GRIK3: variants seen among roughly 807,000 people sequenced by gnomAD.
The protein encoded by GRIK3 is glutamate receptor ionotropic, kainate 3.
GRIK3 carries 29 observed loss-of-function variants against 102.5 expected under a neutral mutation model. The observed-to-expected ratio is 0.28, with a 90% CI of 0.21 to 0.39. The LOEUF is 0.39. Among genes scored for constraint, GRIK3 ranks in the 10% least tolerant of loss-of-function variants. The pLI is 1.00. For missense variants in GRIK3, 908 were observed against 1,252.4 expected (o/e 0.73, Z 4.15); for synonymous variants, 511 against 504.9 (o/e 1.01, Z -0.16).
At chr1:36,914,372 AACAAGGTTG>A (rs1641377261) in intron 1 of GRIK3, among the ~76,000 whole-genome samples, 1 of 152,210 alleles carries the variant, frequency 6.6e-6, no homozygotes, top group African/African-American at 2.4e-5. Context: ...CTAGAAGTTG[AACAAGGTTG>A]AGCAGGTTTC....
intron 1 of GRIK3, among the ~76,000 whole-genome samples, chr1:36,894,368 T>G (rs551950496): frequency 2.4e-4 from 37 of 152,258 alleles, no homozygotes; most frequent in African/African-American, 8.9e-4. Context: ...TTACTTTGTA[T>G]AGACGTACCA....
intron 1 of GRIK3, among the ~76,000 whole-genome samples, chr1:36,954,894 C>A (rs1641885352): frequency 1.3e-5 from 2 of 152,242 alleles, no homozygotes; most frequent in Admixed American, 6.5e-5. Flanking sequence ...GGGACACATG[C>A]CTGTGTGTAC....
At chr1:36,988,777 A>G (rs1381458050) in intron 1 of GRIK3, among the ~76,000 whole-genome samples, 1 of 152,220 alleles carries the variant, frequency 6.6e-6, no homozygotes, top group Admixed American at 6.5e-5. Flanking sequence ...TGCATTCACT[A>G]TGTCACAGAT....
chr1:36,835,298 G>T (rs777840633), intron 10 of GRIK3, among the ~76,000 whole-genome samples: 1 of 152,222 alleles, frequency 6.6e-6, no homozygotes, highest in African/African-American at 2.4e-5. Context: ...TCTCATAGAC[G>T]CTGCTGCAAG....
intron 1 of GRIK3, among the ~76,000 whole-genome samples, chr1:36,950,619 C>G (rs1641834213): frequency 6.6e-6 from 1 of 152,192 alleles, no homozygotes; most frequent in Admixed American, 6.5e-5. Flanking sequence ...TGGGGTGACA[C>G]AGCAGAGGCA....
intron 10 of GRIK3, among the ~76,000 whole-genome samples, chr1:36,827,872 T>C (rs1000867709): frequency 6.6e-6 from 1 of 152,018 alleles, no homozygotes; most frequent in African/African-American, 2.4e-5. Flanking sequence ...TCACTGACAC[T>C]TGGAGTCCAA....
intron 10 of GRIK3, among the ~76,000 whole-genome samples, chr1:36,837,635 C>T (rs971956840): frequency 2.0e-5 from 3 of 152,146 alleles, no homozygotes; most frequent in Non-Finnish European, 2.9e-5. Flanking sequence ...TTCAGATTCT[C>T]CATAGCCCTC....
chr1:36,950,832 C>T (rs2124334863), intron 1 of GRIK3, among the ~76,000 whole-genome samples: 1 of 152,316 alleles, frequency 6.6e-6, no homozygotes, highest in South Asian at 2.1e-4. Flanking sequence ...TGATCACATG[C>T]TGTCACCCTA....
chr1:36,882,304 G>A (rs538332235), intron 2 of GRIK3, among the ~76,000 whole-genome samples: 3 of 152,294 alleles, frequency 2.0e-5, no homozygotes, highest in Admixed American at 1.3e-4. Context: ...AAAAACTCAG[G>A]CAGGTGAGGC....
intron 10 of GRIK3, among the ~76,000 whole-genome samples, chr1:36,838,911 C>A (rs935518348): frequency 6.6e-6 from 1 of 152,166 alleles, no homozygotes; most frequent in African/African-American, 2.4e-5. Flanking sequence ...AGGTCCCCTG[C>A]ATGTCTCGTC....
At chr1:36,999,483 T>C (rs1375163123) in intron 1 of GRIK3, among the ~76,000 whole-genome samples, 1 of 152,056 alleles carries the variant, frequency 6.6e-6, no homozygotes, top group East Asian at 1.9e-4. Context: ...GAAAGGACCC[T>C]GAGGTCCTAA....
At chr1:36,857,982 G>T (rs148249664) in intron 7 of GRIK3, among the ~76,000 whole-genome samples, 1 of 152,232 alleles carries the variant, frequency 6.6e-6, no homozygotes, top group East Asian at 1.9e-4. Flanking sequence ...AAGTGGGATT[G>T]AATAAATGAG....
rs899798262 is a variant in GRIK3, at chr1:36,796,518, G to T, written c.*5333C>A. 6.6e-6 allele frequency: 1 copy of T among 152,262 alleles called. No individual in the cohort carries two copies. The highest frequency in any genetic ancestry group is 1.5e-5 in the Non-Finnish European group (1 of 68,078). The allele number at this position is 152,262 out of a possible 1,614,324, so 9.4% of individuals were successfully genotyped here. On this transcript the variant is annotated 3_prime_UTR_variant, in exon 16 of 16. Transcript: ENST00000373091. ...AATCTATGGCTGCTTCTTCATGTCT[G>T]GAGGCCTCAGAGTTTCAATCCATAA...
Position 36,947,324 on chromosome 1 carries a change from C to A in GRIK3, c.116-56228G>T, listed in dbSNP as rs140218409. Among the ~76,000 whole-genome samples the A allele has an allele frequency of 6.8e-3, 1,040 of 152,258 alleles. 8 individuals are homozygous for A. The highest frequency in any genetic ancestry group is 0.011 in the Non-Finnish European group (742 of 68,016). ...TGCCCTGCCCCCATCACTACCTGCA[C>A]CCAGGCCTGGCATCTCCCACCTGGA... On this transcript the variant is annotated intron_variant, in intron 1 of 15. Coordinates refer to ENST00000373091, the MANE Select transcript of GRIK3 (RefSeq NM_000831.4).
rs368920993 is a variant in GRIK3 at position 37,010,076 on chromosome 1, C to G, written c.115+23918G>C. Reference sequence around the variant, plus strand: ...ACATCTTTGGGGGTGGCTGGGTTTCCAAGCACGGGGCACTTGGAACAGGAG... The same window carrying G: ...ACATCTTTGGGGGTGGCTGGGTTTCGAAGCACGGGGCACTTGGAACAGGAG... On this transcript the variant is annotated intron_variant, in intron 1 of 15. Transcript: ENST00000373091. Among the ~76,000 whole-genome samples, 165 of 152,234 alleles carry G rather than the reference C, an allele frequency of 1.1e-3. 5 individuals carry two copies. The South Asian group carries it at 0.021, about 20-fold the overall frequency.
At chr1:36,934,500 C>T (rs1158596102) in intron 1 of GRIK3, among the ~76,000 whole-genome samples, 1 of 152,224 alleles carries the variant, frequency 6.6e-6, no homozygotes, top group Non-Finnish European at 1.5e-5. Flanking sequence ...GATGCTGTCT[C>T]ATCCACTCTT....
intron 1 of GRIK3, among the ~76,000 whole-genome samples, chr1:37,008,171 G>A (rs1642552375): frequency 3.3e-5 from 5 of 152,244 alleles, no homozygotes; most frequent in Admixed American, 3.3e-4. Context: ...GGTCTCGCAG[G>A]AAAAGCAGAG....
chr1:36,850,274 TC>T lies in GRIK3; in HGVS notation c.1326+36del, dbSNP rs1301407963. ...CCCGAACGGCCACCCCACCCCCAGG[TC>T]GGACAGTCCTTCCTGCAGGGGCTGC... On this transcript the variant is annotated intron_variant, in intron 9 of 15. Transcript: ENST00000373091. The surrounding 1 kb of genome is among the most constrained non-coding windows in gnomAD (Gnocchi z 4.0). The T allele has an allele frequency of 2.9e-6, 4 of 1,362,542 alleles. No homozygotes were observed. The South Asian group carries it at 4.6e-5, about 16-fold the overall frequency. 84.4% of individuals were successfully genotyped at this position (1,362,542 alleles called of 1,614,324 possible).
intron 7 of GRIK3, among the ~76,000 whole-genome samples, chr1:36,855,020 T>C (rs762403312): frequency 1.4e-4 from 22 of 152,172 alleles, no homozygotes; most frequent in Non-Finnish European, 2.8e-4. Context: ...CACAGTTAAA[T>C]ACCCGAGCTT....
Sources: allele counts gnomAD v4.1 joint callset (sites outside exome capture counted in the v4.1 genomes callset), GRCh38; gene constraint gnomAD v4.1.1; non-coding constraint Gnocchi (gnomAD v3.1); transcripts MANE v1.5; gene names NCBI Gene and HGNC (gene_info 2026-07-23, HGNC 2026-07-21).